ADD2: variants seen among roughly 807,000 people sequenced by gnomAD.
The protein encoded by ADD2 is adducin 2.
Under a neutral mutation model 83.0 loss-of-function variants are expected in ADD2, and 23 were observed. That is an observed-to-expected ratio of 0.28 (90% CI 0.20 to 0.39). The LOEUF (loss-of-function observed/expected upper bound fraction) is 0.39. ADD2 is among the 10% of genes least tolerant of loss of function. The pLI, the probability that ADD2 is intolerant of heterozygous loss-of-function variation, is 1.00. For missense variants in ADD2, 758 were observed against 944.9 expected (o/e 0.80, Z 2.59); for synonymous variants, 375 against 375.4 (o/e 1.00, Z 0.01).
intron 1 of ADD2, among the ~76,000 whole-genome samples, chr2:70,720,437 C>G (rs1020001451): frequency 2.6e-5 from 4 of 152,136 alleles, no homozygotes; most frequent in Non-Finnish European, 4.4e-5. Flanking sequence ...GTGTTAAGAA[C>G]AGGATGGCAA....
chr2:70,736,776 G>GT (rs201172481), intron 1 of ADD2, among the ~76,000 whole-genome samples: 13,446 of 143,190 alleles, frequency 0.094, 1,378 homozygotes, highest in African/African-American at 0.26. Context: ...CTGTGTTGCT[G>GT]TTTTTTTTTT....
intron 10 of ADD2, among the ~76,000 whole-genome samples, chr2:70,681,453 G>C (rs990434204): frequency 6.6e-6 from 1 of 152,122 alleles, no homozygotes; most frequent in East Asian, 1.9e-4. Context: ...TTTAAGACCA[G>C]GAATCTTTGA....
Position 70,660,266 on chromosome 2 carries a change from G to C in ADD2, c.*3159C>G, listed in dbSNP as rs1420559519. 6.6e-6 allele frequency: 1 copy of C among 152,172 alleles called. No individual in the cohort carries two copies. Among genetic ancestry groups the C allele is most frequent in the Non-Finnish European group, 1.5e-5 (1 of 68,036 alleles). The allele number at this position is 152,172 out of a possible 1,614,324, so 9.4% of individuals were successfully genotyped here. The stretch of plus-strand genomic sequence containing the variant: ...AGACAAAATAAAACTGGAAACATTA[G>C]CTCTTTGAATGCTCCCCTCTCCTTG... On this transcript the variant is annotated 3_prime_UTR_variant, in exon 16 of 16. Transcript: ENST00000264436.
At chr2:70,748,701 G>T (rs1558577672) in intron 1 of ADD2, among the ~76,000 whole-genome samples, 2 of 152,158 alleles carry the variant, frequency 1.3e-5, no homozygotes, top group Non-Finnish European at 2.9e-5. Flanking sequence ...TAAAATGCTG[G>T]CCAGAAGAAA....
Position 70,660,526 on chromosome 2 carries a change from G to A in ADD2, c.*2899C>T, listed in dbSNP as rs1207039471. The A allele has an allele frequency of 6.6e-6, 1 of 152,334 alleles. No homozygotes were observed. The highest frequency in any genetic ancestry group is 1.5e-5 in the Non-Finnish European group (1 of 68,088). 9.4% of individuals were successfully genotyped at this position (152,334 alleles called of 1,614,324 possible). A position where few individuals can be genotyped will look rare whatever the true frequency, so the allele number is the denominator to read the frequency against. ...TTTCCTAAAATGCAATTCTGATCAT[G>A]ACTCTATCCTGATTTAAAGGCTCCA... is the stretch of plus-strand genomic sequence containing the variant. On this transcript the variant is annotated 3_prime_UTR_variant, in exon 16 of 16. Transcript: ENST00000264436.
Position 70,704,453 on chromosome 2 carries a change from T to C in ADD2, c.190A>G (p.Arg64Gly). Residue 64 changes from arginine (R) to glycine (G), a missense_variant, in exon 4 of 16, where the codon AGG becomes GGG. This residue lies in a region of ADD2 where 175 missense variants were observed against 192.1 expected (regional missense o/e 0.91). Coordinates refer to ENST00000264436, the MANE Select transcript of ADD2 (RefSeq NM_001617.4). ...VTMILQSPSF[R>G]EELEGLIQEQ... ...TGGATGAGGCCTTCCAGCTCCTCCC[T>C]GAAAGACTGAAGCAGGCCCCGAGGT... The C allele has an allele frequency of 6.2e-7, 1 of 1,614,108 alleles. No individual in the cohort carries two copies. Among genetic ancestry groups the C allele is most frequent in the Non-Finnish European group, 8.5e-7 (1 of 1,180,000 alleles).
intron 6 of ADD2, 129 bp from the exon 7 acceptor site, chr2:70,692,681 G>A (rs892858136): frequency 1.6e-5 from 17 of 1,038,652 alleles, no homozygotes; most frequent in South Asian, 1.9e-5. Flanking sequence ...GAGCAATGAC[G>A]GACTTGGTGT....
At chr2:70,691,023 G>A (rs1032327197) in intron 7 of ADD2, 94 bp from the exon 8 acceptor site, 1 of 1,428,368 alleles carries the variant, frequency 7.0e-7, no homozygotes, top group Non-Finnish European at 9.3e-7. Flanking sequence ...GCCAGTGAGG[G>A]GTGAGGGGTG....
intron 1 of ADD2, among the ~76,000 whole-genome samples, chr2:70,723,602 T>A (rs1553377742): frequency 6.6e-6 from 1 of 152,212 alleles, no homozygotes; most frequent in African/African-American, 2.4e-5. Flanking sequence ...TGGGCTCCAC[T>A]TTTCCGTCTG....
chr2:70,673,046 A>G, intron 14 of ADD2, 40 bp from the exon 15 acceptor site: 1 of 1,596,460 alleles, frequency 6.3e-7, no homozygotes, highest in Middle Eastern at 1.7e-4. Flanking sequence ...GAGGTCAAAT[A>G]GAGAAGAGAT....
chr2:70,677,690 C>T (rs548433992), intron 12 of ADD2, 68 bp downstream of exon 12: 5 of 1,584,226 alleles, frequency 3.2e-6, no homozygotes, highest in Non-Finnish European at 4.3e-6. Flanking sequence ...GAACTCAGCT[C>T]CTGTTTGTGG....
intron 1 of ADD2, among the ~76,000 whole-genome samples, chr2:70,742,060 C>G (rs1208205062): frequency 2.6e-5 from 4 of 152,162 alleles, no homozygotes; most frequent in Admixed American, 2.0e-4. Context: ...AGCATTTGAT[C>G]CAATCTGTTT....
At chr2:70,759,618 G>A (rs1366821839) in intron 1 of ADD2, among the ~76,000 whole-genome samples, 9 of 152,058 alleles carry the variant, frequency 5.9e-5, no homozygotes, top group African/African-American at 1.9e-4. Context: ...TTGTTAAGAA[G>A]AGCCTGGCAT....
Position 70,706,302 on chromosome 2 carries a change from T to C in ADD2, c.107A>G (p.Asn36Ser), listed in dbSNP as rs1553374420. ...EDDPEYMRLR[N>S]RAADLRQDFN... ...GTCCTGCCGCAGGTCCGCCGCCCGGTTGCGAAGGCGCATGTACTCGGGGTC... is the reference window on the plus strand; with the variant it reads ...GTCCTGCCGCAGGTCCGCCGCCCGGCTGCGAAGGCGCATGTACTCGGGGTC... The change falls in exon 3 of 16, where the codon AAC becomes AGC. Residue 36 changes from asparagine to serine, a missense_variant. By Grantham distance (46) the Asn-to-Ser change is conservative (BLOSUM62 1). Around this residue, in one of 5 missense-constraint regions of ADD2, gnomAD observed 175 missense variants for 192.1 expected, o/e 0.91. Transcript: ENST00000264436. This position sits in a 1 kb window ranked among gnomAD's most constrained non-coding sequence, Gnocchi z 5.0. 4.3e-6 allele frequency: 7 copies of C among 1,614,072 alleles called. No individual in the cohort carries two copies. The highest frequency in any genetic ancestry group is 1.6e-4 in the Middle Eastern group (1 of 6,062).
intron 1 of ADD2, among the ~76,000 whole-genome samples, chr2:70,749,933 T>C (rs868910072): frequency 3.5e-4 from 53 of 152,216 alleles, no homozygotes; most frequent in African/African-American, 7.0e-4. Flanking sequence ...TTCTGCTTCA[T>C]GCAGCTGGAG....
chr2:70,768,017 C>T lies in ADD2; in HGVS notation c.-285G>A. On this transcript the variant is annotated 5_prime_UTR_variant, in exon 1 of 16. Transcript: ENST00000264436. ...TGCAGGGCAGCGTTTTCTGCCCATGCTGCAGCCCGCGCTCGTCAGAGCTGC... is the reference window on the plus strand; with the variant it reads ...TGCAGGGCAGCGTTTTCTGCCCATGTTGCAGCCCGCGCTCGTCAGAGCTGC... 6.6e-7 allele frequency: 1 copy of T among 1,507,576 alleles called. No homozygotes were observed. Among genetic ancestry groups the T allele is most frequent in the Non-Finnish European group, 8.9e-7 (1 of 1,127,022 alleles). 93.4% of individuals were successfully genotyped at this position (1,507,576 alleles called of 1,614,324 possible). A position where few individuals can be genotyped will look rare whatever the true frequency, so the allele number is the denominator to read the frequency against.
chr2:70,752,561 A>C (rs1553383118), intron 1 of ADD2, among the ~76,000 whole-genome samples: 1 of 152,230 alleles, frequency 6.6e-6, no homozygotes. Context: ...CTGAGCCAGC[A>C]GAATTTGCTG....
chr2:70,719,319 A>G (rs1483258122), intron 1 of ADD2, among the ~76,000 whole-genome samples: 5 of 152,182 alleles, frequency 3.3e-5, no homozygotes, highest in African/African-American at 1.2e-4. Context: ...AAGGGATGCA[A>G]TCGTAATCCC....
rs901341389 is a variant in ADD2, at chr2:70,749,121, G to A, written c.-154+18765C>T. On this transcript the variant is annotated intron_variant, in intron 1 of 15. Transcript: ENST00000264436. ...CCTCAGGAAACTTACAATCATGGCA[G>A]AAGACACCTCTTCACAAGGCGGCAG... is the stretch of plus-strand genomic sequence containing the variant. 1.3e-5 allele frequency among the ~76,000 whole-genome samples: 2 copies of A among 152,142 alleles called. 1 individual carries two copies. The highest frequency in any genetic ancestry group is 4.1e-4 in the South Asian group (2 of 4,830).
Sources: allele counts gnomAD v4.1 joint callset (sites outside exome capture counted in the v4.1 genomes callset), GRCh38; gene constraint gnomAD v4.1.1; regional missense constraint gnomAD v4.1.1; non-coding constraint Gnocchi (gnomAD v3.1); transcripts MANE v1.5; gene names NCBI Gene and HGNC (gene_info 2026-07-23, HGNC 2026-07-21).